The following SSC5D variants were observed in gnomAD, a reference collection of about 807,000 sequenced individuals.
SSC5D encodes the protein soluble scavenger receptor cysteine-rich domain-containing protein SSC5D.
A neutral mutation model predicts 104.6 loss-of-function variants in SSC5D; 106 were observed. The ratio of observed to expected loss-of-function variants is 1.01; its 90% CI spans 0.87 to 1.19. SSC5D has a LOEUF of 1.19. SSC5D is among the 50% of genes most tolerant of loss of function. The probability of loss-of-function intolerance (pLI) is 0.00; values close to 1 mark genes in which losing one functional copy is unlikely to be tolerated. For synonymous variants in SSC5D, 860 were observed against 883.5 expected (o/e 0.97, Z 0.47); for missense variants, 1,993 against 2,153.8 (o/e 0.93, Z 1.48).
Position 55,489,892 on chromosome 19 carries a change from G to A in SSC5D, c.372G>A (p.Val124=), listed in dbSNP as rs1987083408. 6.5e-7 allele frequency: 1 copy of A among 1,548,762 alleles called. No individual in the cohort carries two copies. Among genetic ancestry groups the A allele is most frequent in the Non-Finnish European group, 8.7e-7 (1 of 1,146,134 alleles). ...DAGVVCAGQR[V]ANSRDDSTSP... is the part of the protein sequence containing the mutation. ...GCCCCCCCGCCGCAGGTCAGCGTGT[G>A]GCTAACTCCAGGGACGACTCAACAT... The change falls in exon 4 of 14, where the codon GTG becomes GTA. Residue 124 remains valine, a synonymous_variant. Transcript: ENST00000389623.
At chr19:55,512,016 T>C (rs1265012780) in intron 12 of SSC5D, among the ~76,000 whole-genome samples, 4 of 151,922 alleles carry the variant, frequency 2.6e-5, no homozygotes, top group African/African-American at 4.8e-5. Context: ...GCTGATGAAT[T>C]GCATGATACG....
rs759989590 is a variant in SSC5D, at chr19:55,500,366, C to G, written c.2256C>G (p.Pro752=). Reference sequence around the variant, plus strand: ...TCCCAGAAGGGTCTCCAGAGTCACCCAAAGACCCGGCCCCCTCTCCCAGTG... The same window carrying G: ...TCCCAGAAGGGTCTCCAGAGTCACCGAAAGACCCGGCCCCCTCTCCCAGTG... ...AEIPEGSPES[P]KDPAPSPSVS... Residue 752 remains proline (P), a synonymous_variant, in exon 10 of 14, where the codon CCC becomes CCG. Transcript: ENST00000389623. This position sits in a 1 kb window ranked among gnomAD's most constrained non-coding sequence, Gnocchi z 4.6. 3.2e-5 allele frequency: 50 copies of G among 1,551,266 alleles called. 1 individual carries two copies. In the South Asian group the frequency reaches 5.6e-4, roughly 17 times the overall value.
Position 55,514,449 on chromosome 19 carries a change from A to AATAATG in SSC5D, c.2947+1282_2947+1283insGATAAT, listed in dbSNP as rs1987825273. 6.1e-5 allele frequency among the ~76,000 whole-genome samples: 4 copies of AATAATG among 65,724 alleles called. No individual in the cohort carries two copies. In the South Asian group the frequency reaches 1.4e-3, roughly 23 times the overall value. The allele number at this position is 65,724 out of a possible 152,430, so 43.1% of individuals were successfully genotyped here. On this transcript the variant is annotated intron_variant, in intron 13 of 13. Transcript: ENST00000389623. ...TAATAATAATAATAATAATAATAAT[A>AATAATG]ATAATAATAGGTGTGGTGGCAGGCG... is the stretch of plus-strand genomic sequence containing the variant.
In SSC5D at chr19:55,500,266, A is replaced by C. The variant is rs1482890155; in HGVS notation, c.2156A>C (p.Gln719Pro). The C allele has an allele frequency of 4.5e-6, 7 of 1,550,734 alleles. No homozygotes were observed. Among genetic ancestry groups the C allele is most frequent in the Non-Finnish European group, 6.1e-6 (7 of 1,146,858 alleles). ...TTKTMAMLTT[Q>P]GPQEMTSEST... ...AAGACCATGGCAATGCTGACCACTCAAGGCCCCCAAGAAATGACCTCTGAG... is the reference window on the plus strand; with the variant it reads ...AAGACCATGGCAATGCTGACCACTCCAGGCCCCCAAGAAATGACCTCTGAG... Residue 719 changes from glutamine (Q) to proline (P), a missense_variant, in exon 10 of 14, where the codon CAA becomes CCA. By Grantham distance (76) the Gln-to-Pro change is moderately conservative. This residue lies in a region of SSC5D where 1,101 missense variants were observed against 1,085.0 expected (regional missense o/e 1.01). Coordinates refer to ENST00000389623, the MANE Select transcript of SSC5D (RefSeq NM_001144950.2). The surrounding 1 kb of genome is among the most constrained non-coding windows in gnomAD (Gnocchi z 4.6).
chr19:55,517,390 C>T lies in SSC5D; in HGVS notation c.3114C>T (p.Ser1038=), dbSNP rs747759105. The stretch of plus-strand genomic sequence containing the variant: ...TCACTCCCCACTCAGCCTTGACGTC[C>T]GAGGCGACCTCTGACGCTCCGGACA... ...RELTPHSALT[S]EATSDAPDTS... Residue 1038 remains serine (S), a synonymous_variant, in exon 14 of 14, where the codon TCC becomes TCT. Coordinates refer to ENST00000389623, the MANE Select transcript of SSC5D (RefSeq NM_001144950.2). 10 of 1,550,792 alleles carry T rather than the reference C, an allele frequency of 6.4e-6. No individual in the cohort carries two copies. The highest frequency in any genetic ancestry group is 5.9e-5 in the South Asian group (5 of 84,052).
At chr19:55,516,833 G>A (rs1003128056) in intron 13 of SSC5D, among the ~76,000 whole-genome samples, 2 of 152,034 alleles carry the variant, frequency 1.3e-5, no homozygotes, top group African/African-American at 4.8e-5. Flanking sequence ...CCCTGGCTCC[G>A]CACATCTCCC....
intron 8 of SSC5D, among the ~76,000 whole-genome samples, chr19:55,496,883 G>A (rs549744957): frequency 6.6e-6 from 1 of 152,206 alleles, no homozygotes; most frequent in Admixed American, 6.5e-5. Flanking sequence ...CGGAGTAGCT[G>A]GGATTACAGG....
chr19:55,494,297 G>T (rs145560674), intron 7 of SSC5D, among the ~76,000 whole-genome samples: 2,962 of 152,282 alleles, frequency 0.019, 42 homozygotes, highest in Admixed American at 0.037. Flanking sequence ...CCCCGTGGCA[G>T]CCCTGGCTGG....
intron 13 of SSC5D, among the ~76,000 whole-genome samples, chr19:55,516,903 C>T (rs889415199): frequency 1.3e-5 from 2 of 152,102 alleles, no homozygotes; most frequent in Non-Finnish European, 2.9e-5. Context: ...CTCCCGCCCC[C>T]TCCCGCACCC....
In SSC5D at chr19:55,498,030, C is replaced by G; in HGVS notation, c.1538C>G (p.Pro513Arg). 6.4e-7 allele frequency: 1 copy of G among 1,551,750 alleles called. No homozygotes were observed. Among genetic ancestry groups the G allele is most frequent in the South Asian group, 1.2e-5 (1 of 84,060 alleles). Residue 513 changes from proline to arginine, a missense_variant, in exon 9 of 14, where the codon CCT becomes CGT. Transcript: ENST00000389623. ...VVCRELGCGG[P>R]QQPDPAAGRF... The stretch of plus-strand genomic sequence containing the variant: ...TGCCGGGAGCTGGGCTGTGGTGGAC[C>G]TCAGCAGCCAGACCCTGCTGCTGGC...
Position 55,518,124 on chromosome 19 carries a change from C to G in SSC5D, c.3848C>G (p.Pro1283Arg). The change falls in exon 14 of 14, where the codon CCC (proline) becomes CGC (arginine). Residue 1283 changes from proline (P) to arginine (R), a missense_variant. By Grantham distance (103) the Pro-to-Arg change is moderately radical. Around this residue, in one of 6 missense-constraint regions of SSC5D, gnomAD observed 349 missense variants for 397.6 expected, o/e 0.88. Transcript: ENST00000389623. ...CCTCATCCCACCACGACCCCTCACC[C>G]CACCACGACTCCTCACCCCACCACA... ...TMPHPTTTPH[P>R]TTTPHPTTTP... The G allele has an allele frequency of 6.8e-7, 1 of 1,465,152 alleles. No individual in the cohort carries two copies. The highest frequency in any genetic ancestry group is 1.3e-5 in the South Asian group (1 of 79,460). The allele number at this position is 1,465,152 out of a possible 1,614,324, so 90.8% of individuals were successfully genotyped here.
At chr19:55,511,567 C>T (rs477933) in intron 12 of SSC5D, among the ~76,000 whole-genome samples, 150,786 of 152,270 alleles carry the variant, frequency 0.99, 74,696 homozygotes, top group Non-Finnish European at 1. Context: ...CTCCTTGTAC[C>T]CATGAATCCC....
chr19:55,518,758 G>A lies in SSC5D; in HGVS notation c.4482G>A (p.Val1494=), dbSNP rs1372677282. Residue 1494 remains valine (V), a synonymous_variant, in exon 14 of 14, where the codon GTG becomes GTA. Transcript: ENST00000389623. ...AGCCACCTGCCCTGGTGGAGCTGGT[G>A]GCTGCTGTGAGGGATGTGGGTGGTC... ...ACEPPALVEL[V]AAVRDVGGQL... 6 of 1,550,812 alleles carry A rather than the reference G, an allele frequency of 3.9e-6. No individual in the cohort carries two copies. The highest frequency in any genetic ancestry group is 5.2e-6 in the Non-Finnish European group (6 of 1,147,004).
chr19:55,509,989 T>G (rs1209543924), intron 12 of SSC5D, among the ~76,000 whole-genome samples: 1 of 151,874 alleles, frequency 6.6e-6, no homozygotes, highest in Non-Finnish European at 1.5e-5. Flanking sequence ...ACGGCTTCAA[T>G]TTGTGTTCTT....
At position 55,507,163 on chromosome 19, in the gene SSC5D, G is replaced by A. The variant is rs369044749; in HGVS notation, c.2786-5848G>A. Among the ~76,000 whole-genome samples, 4 of 149,590 alleles carry A rather than the reference G, an allele frequency of 2.7e-5. No homozygotes were observed. The East Asian group carries it at 6.0e-4, about 23-fold the overall frequency. ...CAGCCTGGGTGACAGAGACTGTCTC[G>A]AAAAAAATAAATAAATAAAAATAAA... is the stretch of plus-strand genomic sequence containing the variant. On this transcript the variant is annotated intron_variant, in intron 12 of 13. Transcript: ENST00000389623.
intron 13 of SSC5D, among the ~76,000 whole-genome samples, chr19:55,513,542 C>T (rs1260201901): frequency 6.6e-6 from 1 of 152,104 alleles, no homozygotes; most frequent in Non-Finnish European, 1.5e-5. Context: ...TGTATTCCAG[C>T]CTGGGTGCCA....
At chr19:55,496,296 G>A (rs1788003992) in intron 8 of SSC5D, among the ~76,000 whole-genome samples, 1 of 152,174 alleles carries the variant, frequency 6.6e-6, no homozygotes, top group Admixed American at 6.5e-5. Flanking sequence ...CTAGGAATTA[G>A]CTAACCCTGG....
At position 55,488,488 on chromosome 19, in the gene SSC5D, C is replaced by A; in HGVS notation, c.-102C>A. ...TGCTCCTCCTCGGGCCTGGGCGCCT[C>A]CAGCAGGCACTTCCCTCCCTCCCTC... On this transcript the variant is annotated 5_prime_UTR_variant, in exon 1 of 14. Coordinates refer to ENST00000389623, the MANE Select transcript of SSC5D (RefSeq NM_001144950.2). 1 of 1,126,876 alleles carries A rather than the reference C, an allele frequency of 8.9e-7. No homozygotes were observed. Among genetic ancestry groups the A allele is most frequent in the Non-Finnish European group, 1.3e-6 (1 of 772,114 alleles). The allele number at this position is 1,126,876 out of a possible 1,614,324, so 69.8% of individuals were successfully genotyped here. A position where few individuals can be genotyped will look rare whatever the true frequency, so the allele number is the denominator to read the frequency against.
intron 6 of SSC5D, among the ~76,000 whole-genome samples, chr19:55,493,303 G>A (rs1234766091): frequency 1.3e-5 from 2 of 152,094 alleles, no homozygotes; most frequent in Admixed American, 6.5e-5. Flanking sequence ...TTGGAAATCC[G>A]GCTCTCTAGG....
Sources: gnomAD v4.1 joint callset for allele counts (sites outside exome capture counted in the v4.1 genomes callset) on GRCh38, gnomAD v4.1.1 for gene constraint, gnomAD v4.1.1 regional missense constraint, Gnocchi (gnomAD v3.1) non-coding constraint, MANE v1.5 for transcripts, NCBI Gene and HGNC (gene_info 2026-07-23, HGNC 2026-07-21) for gene names.